The following RSPH14 variants were observed in gnomAD, a reference collection of about 807,000 sequenced individuals.
RSPH14 encodes the protein radial spoke head 14 homolog.
RSPH14 carries 20 observed loss-of-function variants against 26.7 expected under a neutral mutation model. The ratio of observed to expected loss-of-function variants is 0.75; its 90% CI spans 0.53 to 1.09. The LOEUF is 1.09. RSPH14 is among the 50% of genes least tolerant of loss of function. The pLI is 0.00. For missense variants in RSPH14, 449 were observed against 457.2 expected (o/e 0.98, Z 0.16); for synonymous variants, 177 against 189.3 (o/e 0.93, Z 0.53).
At chr22:23,109,850 C>G (rs866724529) in intron 4 of RSPH14, among the ~76,000 whole-genome samples, 22 of 152,208 alleles carry the variant, frequency 1.4e-4, no homozygotes, top group African/African-American at 5.1e-4. Context: ...AGGCAGGACC[C>G]AGCAGTTGAG....
At chr22:23,118,997 C>T (rs1005465286) in intron 4 of RSPH14, among the ~76,000 whole-genome samples, 1 of 152,194 alleles carries the variant, frequency 6.6e-6, no homozygotes, top group African/African-American at 2.4e-5. Context: ...AGAGCATGGA[C>T]AGGTCAGAGG....
At chr22:23,160,307 T>C in the RSPH14 span, among the ~76,000 whole-genome samples, 1 of 152,152 alleles carries the variant, frequency 6.6e-6, no homozygotes, top group African/African-American at 2.4e-5. Flanking sequence ...GACAGCTCAC[T>C]ATGGACCAAG....
At chr22:23,096,430 C>T (rs368727682) in intron 4 of RSPH14, 17 of 1,587,920 alleles carry the variant, frequency 1.1e-5, no homozygotes, top group African/African-American at 1.3e-5. Flanking sequence ...TAAGTGGGGC[C>T]GGGGGTTTTC....
intron 4 of RSPH14, among the ~76,000 whole-genome samples, chr22:23,089,573 T>G (rs989729044): frequency 6.6e-6 from 1 of 152,150 alleles, no homozygotes; most frequent in Non-Finnish European, 1.5e-5. Context: ...TCCATGACCA[T>G]GTACCCATCC....
At chr22:23,110,967 T>C (rs2146361636) in intron 4 of RSPH14, among the ~76,000 whole-genome samples, 1 of 152,312 alleles carries the variant, frequency 6.6e-6, no homozygotes, top group South Asian at 2.1e-4. Context: ...CAGCGACGAT[T>C]CCATCTAGGT....
chr22:23,150,656 T>G, the RSPH14 span, among the ~76,000 whole-genome samples: 1 of 152,096 alleles, frequency 6.6e-6, no homozygotes, highest in African/African-American at 2.4e-5. Flanking sequence ...ATGGAACAAC[T>G]TTCCCTCTTC....
intron 4 of RSPH14, among the ~76,000 whole-genome samples, chr22:23,079,484 A>G (rs1434972951): frequency 6.6e-6 from 1 of 152,068 alleles, no homozygotes; most frequent in Non-Finnish European, 1.5e-5. Flanking sequence ...TGGGCGTGGG[A>G]GTCAGAGAGG....
rs565883010 is a variant in RSPH14 at position 23,074,005 on chromosome 22, G to C, written c.422-9872C>G. 2.0e-5 allele frequency among the ~76,000 whole-genome samples: 3 copies of C among 152,276 alleles called. No homozygotes were observed. In the South Asian group the frequency reaches 6.2e-4, roughly 32 times the overall value. On this transcript the variant is annotated intron_variant, in intron 4 of 6. Coordinates refer to ENST00000216036, the MANE Select transcript of RSPH14 (RefSeq NM_014433.3). Reference sequence around the variant, plus strand: ...TGGCTGAGCAGGGGAGAGACAGCAGGTGCAAAGGCGCTGAGCAGACACTCC... The same window carrying C: ...TGGCTGAGCAGGGGAGAGACAGCAGCTGCAAAGGCGCTGAGCAGACACTCC...
intron 4 of RSPH14, among the ~76,000 whole-genome samples, chr22:23,090,116 C>T (rs956814538): frequency 3.9e-5 from 6 of 152,252 alleles, no homozygotes; most frequent in Middle Eastern, 3.4e-3. Flanking sequence ...TTCACTGATA[C>T]AGTCCACTCA....
At chr22:23,151,180 C>G in the RSPH14 span, among the ~76,000 whole-genome samples, 1 of 152,180 alleles carries the variant, frequency 6.6e-6, no homozygotes, top group Non-Finnish European at 1.5e-5. Flanking sequence ...GAGCTGAGAT[C>G]AGAATAGCCG....
intron 4 of RSPH14, among the ~76,000 whole-genome samples, chr22:23,130,024 G>C (rs961651133): frequency 7.0e-6 from 1 of 143,844 alleles, no homozygotes; most frequent in African/African-American, 2.6e-5. Flanking sequence ...AAGAAGGAAA[G>C]AAAGAAAGGG....
intron 4 of RSPH14, among the ~76,000 whole-genome samples, chr22:23,118,724 A>G (rs559760711): frequency 1.3e-5 from 2 of 152,298 alleles, no homozygotes; most frequent in South Asian, 4.1e-4. Context: ...AAGTCACTGC[A>G]GGACAAGGGG....
chr22:23,179,367 A>G, the RSPH14 span, among the ~76,000 whole-genome samples: 1 of 152,014 alleles, frequency 6.6e-6, no homozygotes, highest in Non-Finnish European at 1.5e-5. Context: ...GGGTATTTTC[A>G]GTTTGTGCCC....
intron 6 of RSPH14, among the ~76,000 whole-genome samples, chr22:23,060,373 A>C (rs1254606169): frequency 2.0e-5 from 3 of 151,936 alleles, no homozygotes; most frequent in South Asian, 2.1e-4. Flanking sequence ...CAGGAGGCTG[A>C]GGCAGGAGAA....
chr22:23,093,707 C>G (rs2069049729), intron 4 of RSPH14, among the ~76,000 whole-genome samples: 1 of 152,160 alleles, frequency 6.6e-6, no homozygotes. Context: ...GGCCACACAA[C>G]CTGGGAGAGG....
intron 4 of RSPH14, among the ~76,000 whole-genome samples, chr22:23,094,359 G>T (rs1262551452): frequency 2.0e-5 from 3 of 152,004 alleles, no homozygotes; most frequent in Admixed American, 6.5e-5. Context: ...GGGCATCCTA[G>T]GGTGTGCCCC....
intron 4 of RSPH14, among the ~76,000 whole-genome samples, chr22:23,103,109 C>T (rs2069351848): frequency 6.6e-6 from 1 of 152,228 alleles, no homozygotes; most frequent in Non-Finnish European, 1.5e-5. Context: ...GCCTCCCTCT[C>T]TGCATGCCAG....
intron 4 of RSPH14, among the ~76,000 whole-genome samples, chr22:23,080,957 C>T (rs537232497): frequency 2.0e-4 from 31 of 152,366 alleles, no homozygotes; most frequent in Admixed American, 6.5e-4. Flanking sequence ...CTAGAACCCC[C>T]TTGCCCTTCC....
Position 23,072,951 on chromosome 22 carries a change from C to T in RSPH14, c.422-8818G>A, listed in dbSNP as rs555145357. On this transcript the variant is annotated intron_variant, in intron 4 of 6. Coordinates refer to ENST00000216036, the MANE Select transcript of RSPH14 (RefSeq NM_014433.3). ...TTTGCAGGTAACTGGATTGACTTCA[C>T]AAGGGCTGCCCAGGGCCCCCGCAGA... 8.5e-5 allele frequency among the ~76,000 whole-genome samples: 13 copies of T among 152,326 alleles called. No individual in the cohort carries two copies. In the East Asian group the frequency reaches 1.9e-3, roughly 23 times the overall value.
Sources: allele counts gnomAD v4.1 joint callset (sites outside exome capture counted in the v4.1 genomes callset), GRCh38; gene constraint gnomAD v4.1.1; transcripts MANE v1.5; gene names NCBI Gene and HGNC (gene_info 2026-07-23, HGNC 2026-07-21).